Variants in PCLO observed in about 807,000 individuals in gnomAD.
PCLO encodes piccolo presynaptic cytomatrix protein, also known as protein piccolo.
In PCLO, 82 loss-of-function variants were observed where a neutral mutation model predicts 427.5. That is an observed-to-expected ratio of 0.19 (90% CI 0.16 to 0.23). The LOEUF (loss-of-function observed/expected upper bound fraction) is 0.23, where lower values mean the gene tolerates loss of function less well. Ranked by LOEUF, PCLO falls within the 10% of genes least tolerant of loss-of-function variation. PCLO has a pLI of 1.00. For synonymous variants in PCLO, 2,357 were observed against 2,155.4 expected (o/e 1.09, Z -2.59); for missense variants, 6,239 against 6,115.9 (o/e 1.02, Z -0.67).
At chr7:83,026,263 C>T (rs1163973380) in intron 3 of PCLO, among the ~76,000 whole-genome samples, 2 of 152,028 alleles carry the variant, frequency 1.3e-5, no homozygotes, top group Non-Finnish European at 2.9e-5. Context: ...GAGGAAGATC[C>T]ACCAAGCAAA....
Position 82,949,537 on chromosome 7 carries a change from G to C in PCLO, c.11051C>G (p.Pro3684Arg). 1 of 1,613,696 alleles carries C rather than the reference G, an allele frequency of 6.2e-7. No homozygotes were observed. The highest frequency in any genetic ancestry group is 8.5e-7 in the Non-Finnish European group (1 of 1,179,764). Residue 3684 changes from proline to arginine, a missense_variant, in exon 6 of 25, where the codon CCT becomes CGT. By Grantham distance (103) the Pro-to-Arg change is moderately radical. Around this residue, in one of 5 missense-constraint regions of PCLO, gnomAD observed 4,677 missense variants for 4,468.4 expected, o/e 1.05. Transcript: ENST00000333891. Reference sequence around the variant, plus strand: ...ACTTTCGTCTGCTGTTGGACTCAGAGGCTTGGGGTCAGACATAGAACGCTG... The same window carrying C: ...ACTTTCGTCTGCTGTTGGACTCAGACGCTTGGGGTCAGACATAGAACGCTG... ...MMQRSMSDPK[P>R]LSPTADESSR... is the part of the protein sequence containing the mutation.
intron 3 of PCLO, among the ~76,000 whole-genome samples, chr7:83,063,315 T>C (rs1251119856): frequency 1.3e-5 from 2 of 152,120 alleles, no homozygotes; most frequent in Admixed American, 6.6e-5. Context: ...GTTCTTCACA[T>C]TGGAACTCAA....
At chr7:83,074,664 G>A (rs1379765555) in intron 3 of PCLO, among the ~76,000 whole-genome samples, 1 of 152,094 alleles carries the variant, frequency 6.6e-6, no homozygotes, top group East Asian at 1.9e-4. Context: ...GGGAAAATTA[G>A]ATGAATTGTC....
At chr7:83,005,406 G>A (rs1191020410) in intron 3 of PCLO, among the ~76,000 whole-genome samples, 1 of 151,566 alleles carries the variant, frequency 6.6e-6, no homozygotes, top group Admixed American at 6.6e-5. Flanking sequence ...TGGCTGCCAG[G>A]GGCTGGAAGT....
At position 82,795,214 on chromosome 7, in the gene PCLO, T is replaced by A. The variant is rs1035165183; in HGVS notation, c.15007+6304A>T. ...CTATTTGATAAACCAACTTTTTCTA[T>A]GGAATGAAATATCTGTTCCATTGGA... On this transcript the variant is annotated intron_variant, in intron 22 of 24. Coordinates refer to ENST00000333891, the MANE Select transcript of PCLO (RefSeq NM_033026.6). Among the ~76,000 whole-genome samples, 3 of 152,198 alleles carry A rather than the reference T, an allele frequency of 2.0e-5. 1 individual carries two copies. The South Asian group carries it at 6.2e-4, about 31-fold the overall frequency.
chr7:83,075,592 T>C (rs1428457836), intron 3 of PCLO, among the ~76,000 whole-genome samples: 1 of 152,144 alleles, frequency 6.6e-6, no homozygotes, highest in East Asian at 1.9e-4. Context: ...AGGATCAAAG[T>C]AGAATATTAC....
intron 14 of PCLO, among the ~76,000 whole-genome samples, chr7:82,841,242 C>T (rs751910381): frequency 1.8e-4 from 27 of 151,952 alleles, no homozygotes; most frequent in Non-Finnish European, 3.4e-4. Flanking sequence ...AGATATCAGG[C>T]AGATTTCAAA....
At chr7:82,918,574 A>G (rs759423714) in intron 6 of PCLO, among the ~76,000 whole-genome samples, 11 of 152,188 alleles carry the variant, frequency 7.2e-5, no homozygotes, top group Non-Finnish European at 1.0e-4. Flanking sequence ...ATTAACATAG[A>G]TATGTCATGT....
chr7:83,101,341 C>T (rs10954708), intron 3 of PCLO, among the ~76,000 whole-genome samples: 69,508 of 151,446 alleles, frequency 0.46, 16,325 homozygotes, highest in East Asian at 0.71. Context: ...TATATTTTAC[C>T]TAGAAATGGA....
At chr7:83,022,688 C>T (rs1018589343) in intron 3 of PCLO, among the ~76,000 whole-genome samples, 3 of 152,126 alleles carry the variant, frequency 2.0e-5, no homozygotes, top group Non-Finnish European at 4.4e-5. Flanking sequence ...TAGATTTATA[C>T]AGTAGAAACT....
At chr7:82,885,990 T>C (rs936414398) in intron 9 of PCLO, among the ~76,000 whole-genome samples, 1 of 152,028 alleles carries the variant, frequency 6.6e-6, no homozygotes, top group Non-Finnish European at 1.5e-5. Context: ...GGTTTGAGGG[T>C]AGCACACTCC....
At chr7:83,080,052 C>T (rs1562953715) in intron 3 of PCLO, among the ~76,000 whole-genome samples, 1 of 152,112 alleles carries the variant, frequency 6.6e-6, no homozygotes, top group African/African-American at 2.4e-5. Flanking sequence ...GACATGATCT[C>T]ATTCCTTTTC....
At chr7:82,817,206 A>G (rs1195412742) in intron 20 of PCLO, among the ~76,000 whole-genome samples, 2 of 152,182 alleles carry the variant, frequency 1.3e-5, no homozygotes, top group East Asian at 3.9e-4. Flanking sequence ...ATGTCATTAC[A>G]GTTTGAATTT....
chr7:83,010,248 T>C (rs927595670), intron 3 of PCLO, among the ~76,000 whole-genome samples: 3 of 151,962 alleles, frequency 2.0e-5, no homozygotes, highest in Admixed American at 6.6e-5. Context: ...GGCTCGAAAT[T>C]CACATTTACA....
chr7:82,881,192 C>T (rs1308459488), intron 9 of PCLO, among the ~76,000 whole-genome samples: 1 of 152,062 alleles, frequency 6.6e-6, no homozygotes, highest in Admixed American at 6.6e-5. Flanking sequence ...GCCTTGCCAA[C>T]ATAGGAGACA....
intron 3 of PCLO, among the ~76,000 whole-genome samples, chr7:82,973,454 A>T (rs1020145875): frequency 1.3e-5 from 2 of 152,184 alleles, no homozygotes; most frequent in Non-Finnish European, 2.9e-5. Flanking sequence ...CAGTGTTGAG[A>T]AATAAAAATA....
intron 22 of PCLO, among the ~76,000 whole-genome samples, chr7:82,798,277 TAC>T (rs1331817606): frequency 6.6e-6 from 1 of 152,242 alleles, no homozygotes; most frequent in East Asian, 1.9e-4. Flanking sequence ...TGTGCTTATC[TAC>T]AGAGTCACAG....
At chr7:82,934,614 C>A (rs1278246216) in intron 6 of PCLO, among the ~76,000 whole-genome samples, 1 of 151,624 alleles carries the variant, frequency 6.6e-6, no homozygotes, top group Non-Finnish European at 1.5e-5. Context: ...TCCAATTCTA[C>A]AGTATGGTGG....
At chr7:82,776,244 G>A (rs1790746211) in intron 22 of PCLO, among the ~76,000 whole-genome samples, 1 of 152,094 alleles carries the variant, frequency 6.6e-6, no homozygotes, top group African/African-American at 2.4e-5. Flanking sequence ...CATCCTTGTT[G>A]AGCTAAGGGC....
Sources: gnomAD v4.1 joint callset for allele counts (sites outside exome capture counted in the v4.1 genomes callset) on GRCh38, gnomAD v4.1.1 for gene constraint, gnomAD v4.1.1 regional missense constraint, MANE v1.5 for transcripts, NCBI Gene and HGNC (gene_info 2026-07-23, HGNC 2026-07-21) for gene names.